The following CENPW variants were observed in gnomAD, a reference collection of about 807,000 sequenced individuals.
The protein encoded by CENPW is cancer-up-regulated gene 2 protein.
CENPW carries 3 observed loss-of-function variants against 11.1 expected under a neutral mutation model. The observed-to-expected ratio is 0.27, with a 90% CI of 0.12 to 0.70. CENPW has a LOEUF of 0.70. Ranked by LOEUF, CENPW falls within the 30% of genes least tolerant of loss-of-function variation. The pLI is 0.77. For synonymous variants in CENPW, 38 were observed against 42.0 expected (o/e 0.91, Z 0.37); for missense variants, 100 against 105.6 (o/e 0.95, Z 0.23).
chr6:126,466,686 T>G, the CENPW span, among the ~76,000 whole-genome samples: 2 of 152,124 alleles, frequency 1.3e-5, no homozygotes, highest in South Asian at 4.1e-4. Context: ...AAGTCTTTTA[T>G]CCATATTGAG....
At chr6:126,482,239 G>A in the CENPW span, among the ~76,000 whole-genome samples, 152,144 of 152,144 alleles carry the variant, frequency 1, 76,072 homozygotes, top group Non-Finnish European at 1. Flanking sequence ...AGTAAATATG[G>A]TCTGCTTAAT....
chr6:126,356,948 A>G, the CENPW span, among the ~76,000 whole-genome samples: 1 of 152,154 alleles, frequency 6.6e-6, no homozygotes, highest in African/African-American at 2.4e-5. Context: ...AGTTTTAATT[A>G]GGTCCCACTT....
chr6:126,357,846 A>G, the CENPW span, among the ~76,000 whole-genome samples: 2 of 151,974 alleles, frequency 1.3e-5, no homozygotes, highest in African/African-American at 4.8e-5. Context: ...TGACCTCATG[A>G]TCCGCCTGCC....
At chr6:126,454,836 TA>T in the CENPW span, among the ~76,000 whole-genome samples, 1 of 149,518 alleles carries the variant, frequency 6.7e-6, no homozygotes, top group Non-Finnish European at 1.5e-5. Context: ...GCTAGACAAA[TA>T]AAAAAAGAAA....
chr6:126,477,017 T>A, the CENPW span, among the ~76,000 whole-genome samples: 3 of 151,936 alleles, frequency 2.0e-5, no homozygotes, highest in Non-Finnish European at 4.4e-5. Context: ...AAAAAACAAA[T>A]CTAAGTTTAT....
At chr6:126,423,827 A>AT in the CENPW span, among the ~76,000 whole-genome samples, 7 of 138,118 alleles carry the variant, frequency 5.1e-5, no homozygotes, top group East Asian at 2.9e-4. Flanking sequence ...TTTCTCTTAA[A>AT]TTTTTTTTTC....
chr6:126,343,513 T>C (rs963124163), intron 1 of CENPW, among the ~76,000 whole-genome samples: 1 of 152,120 alleles, frequency 6.6e-6, no homozygotes, highest in African/African-American at 2.4e-5. Flanking sequence ...ATCTGCAAGC[T>C]GAGGAGCAAG....
At chr6:126,428,702 A>G in the CENPW span, among the ~76,000 whole-genome samples, 1 of 152,202 alleles carries the variant, frequency 6.6e-6, no homozygotes, top group Non-Finnish European at 1.5e-5. Flanking sequence ...ATTTTCTTTT[A>G]CTGGCAGAAA....
the CENPW span, among the ~76,000 whole-genome samples, chr6:126,478,075 G>A: frequency 6.6e-6 from 1 of 152,038 alleles, no homozygotes; most frequent in Non-Finnish European, 1.5e-5. Context: ...ATGCCAATTG[G>A]TCAAATTCAT....
rs2128289897 is a variant in CENPW at position 126,346,226 on chromosome 6, T to G, written c.148T>G (p.Phe50Val). The change falls in exon 2 of 3, where the codon TTT becomes GTT. Residue 50 changes from phenylalanine to valine, a missense_variant. Transcript: ENST00000368328. ...AAAGGTCCATCTGAACTGTTTACTG[T>G]TTGTTCATCGATTAGCAGAAGAGTC... ...DLLVHLNCLL[F>V]VHRLAEESRT... 1 of 1,602,658 alleles carries G rather than the reference T, an allele frequency of 6.2e-7. No homozygotes were observed. The highest frequency in any genetic ancestry group is 2.2e-5 in the East Asian group (1 of 44,722).
At chr6:126,367,690 T>A in the CENPW span, among the ~76,000 whole-genome samples, 10 of 152,154 alleles carry the variant, frequency 6.6e-5, no homozygotes, top group Non-Finnish European at 1.0e-4. Context: ...GTGAGTTTCT[T>A]GAAGATTATT....
the CENPW span, among the ~76,000 whole-genome samples, chr6:126,413,473 A>G: frequency 3.5e-4 from 54 of 152,282 alleles, no homozygotes; most frequent in African/African-American, 1.3e-3. Flanking sequence ...CTAAATTATA[A>G]TACTTAGAAA....
At chr6:126,431,391 A>G in the CENPW span, among the ~76,000 whole-genome samples, 2 of 152,230 alleles carry the variant, frequency 1.3e-5, no homozygotes, top group Non-Finnish European at 2.9e-5. Flanking sequence ...TCATCCTTCA[A>G]GGATTTTTCC....
the CENPW span, among the ~76,000 whole-genome samples, chr6:126,443,994 A>T: frequency 6.7e-6 from 1 of 150,270 alleles, no homozygotes; most frequent in African/African-American, 2.4e-5. Flanking sequence ...ATATATTAAG[A>T]TATTTCATTG....
chr6:126,470,538 T>C, the CENPW span, among the ~76,000 whole-genome samples: 1 of 152,178 alleles, frequency 6.6e-6, no homozygotes, highest in African/African-American at 2.4e-5. Context: ...CATACAGAGT[T>C]GCCATTGGGG....
the CENPW span, among the ~76,000 whole-genome samples, chr6:126,385,626 A>T: frequency 6.6e-6 from 1 of 152,144 alleles, no homozygotes; most frequent in African/African-American, 2.4e-5. Flanking sequence ...CAAGGGAGAG[A>T]TCAAGTGGAG....
downstream of CENPW, among the ~76,000 whole-genome samples, chr6:126,349,894 A>C (rs1032020329): frequency 6.6e-6 from 1 of 152,016 alleles, no homozygotes; most frequent in Non-Finnish European, 1.5e-5. Context: ...TGTGTCACTT[A>C]ATCTGGAGTG....
the CENPW span, among the ~76,000 whole-genome samples, chr6:126,395,867 CCTTA>C: frequency 6.6e-6 from 1 of 152,098 alleles, no homozygotes; most frequent in Non-Finnish European, 1.5e-5. Flanking sequence ...TGTTTTCTTC[CCTTA>C]CTTTCTCCCA....
At chr6:126,467,217 G>A in the CENPW span, among the ~76,000 whole-genome samples, 1 of 152,026 alleles carries the variant, frequency 6.6e-6, no homozygotes, top group Non-Finnish European at 1.5e-5. Context: ...AAAGCTGAAG[G>A]CATCAAGTTA....
Sources: gnomAD v4.1 joint callset for allele counts (sites outside exome capture counted in the v4.1 genomes callset) on GRCh38, gnomAD v4.1.1 for gene constraint, MANE v1.5 for transcripts, NCBI Gene and HGNC (gene_info 2026-07-23, HGNC 2026-07-21) for gene names.